The following MTERF4 variants were observed in gnomAD, a reference collection of about 807,000 sequenced individuals.
MTERF4 encodes transcription termination factor 4, mitochondrial.
MTERF4 carries 17 observed loss-of-function variants against 22.5 expected under a neutral mutation model. That is an observed-to-expected ratio of 0.75 (90% confidence interval 0.52 to 1.13). The LOEUF is 1.13. MTERF4 is among the 50% of genes most tolerant of loss of function. The pLI, the probability that MTERF4 is intolerant of heterozygous loss-of-function variation, is 0.00. For synonymous variants in MTERF4, 165 were observed against 175.3 expected (o/e 0.94, Z 0.47); for missense variants, 420 against 466.8 (o/e 0.90, Z 0.92).
the MTERF4 span, among the ~76,000 whole-genome samples, chr2:241,047,389 C>A: frequency 6.6e-6 from 1 of 151,976 alleles, no homozygotes; most frequent in Non-Finnish European, 1.5e-5. Flanking sequence ...GAAATAGGTC[C>A]ATAATTATTG....
At chr2:241,064,182 G>A in the MTERF4 span, 1 of 1,233,722 alleles carries the variant, frequency 8.1e-7, no homozygotes, top group Non-Finnish European at 1.1e-6. This position sits in a 1 kb window ranked among gnomAD's most constrained non-coding sequence, Gnocchi z 7.0. Flanking sequence ...CCCGCCCTCT[G>A]CCCGCCTGCT....
chr2:241,052,635 C>CG, the MTERF4 span, among the ~76,000 whole-genome samples: 1 of 88,460 alleles, frequency 1.1e-5, no homozygotes, highest in Non-Finnish European at 2.2e-5. Context: ...GTGAGAGGGC[C>CG]GGGGGGCCAA....
intron 1 of MTERF4, 58 bp downstream of exon 1, chr2:241,102,195 G>A: frequency 3.2e-6 from 5 of 1,547,158 alleles, no homozygotes; most frequent in Non-Finnish European, 4.4e-6. Flanking sequence ...CGGTTCCTCT[G>A]CGTCGCTGCC....
At chr2:241,081,764 C>T (rs755846432) in intron 4 of MTERF4, 2 of 1,601,268 alleles carry the variant, frequency 1.2e-6, no homozygotes, top group Admixed American at 1.7e-5. Flanking sequence ...GACTGCGGGC[C>T]AGGGTTCAAA....
chr2:241,048,397 G>A, the MTERF4 span: 1 of 1,611,928 alleles, frequency 6.2e-7, no homozygotes, highest in Non-Finnish European at 8.5e-7. Context: ...AGGGCTACGT[G>A]TGCGAGTGCC....
At chr2:241,068,061 C>G (rs1302377493), downstream of MTERF4, 1 of 994,208 alleles carries the variant, frequency 1.0e-6, no homozygotes, top group Non-Finnish European at 1.5e-6. This position sits in a 1 kb window ranked among gnomAD's most constrained non-coding sequence, Gnocchi z 5.3. Context: ...CCACCTGCCG[C>G]TCCTCACCTG....
chr2:241,089,369 A>G, downstream of MTERF4: 2 of 1,547,770 alleles, frequency 1.3e-6, no homozygotes, highest in Non-Finnish European at 8.7e-7. Flanking sequence ...TACGTGCCTA[A>G]AAAAATAAAG....
In MTERF4 at chr2:241,095,980, C is replaced by G. The variant is rs368461655; in HGVS notation, c.*18G>C. On this transcript the variant is annotated 3_prime_UTR_variant, in exon 4 of 4. Transcript: ENST00000391980. ...CTTGATATCTCTGGGCCCTTTCGCT[C>G]TAGTCCTTCCATCACAGCTATTCCT... The G allele has an allele frequency of 1.7e-5, 28 of 1,611,478 alleles. No homozygotes were observed. In the African/African-American group the frequency reaches 3.5e-4, roughly 20 times the overall value.
At chr2:241,066,452 A>G in the MTERF4 span, among the ~76,000 whole-genome samples, 2 of 152,164 alleles carry the variant, frequency 1.3e-5, no homozygotes, top group South Asian at 2.1e-4. Context: ...AGCACAGGGG[A>G]TCTCGGAACA....
chr2:241,042,893 G>GT, the MTERF4 span, among the ~76,000 whole-genome samples: 3 of 152,176 alleles, frequency 2.0e-5, no homozygotes, highest in African/African-American at 7.2e-5. Flanking sequence ...TAGGATCCAC[G>GT]TATCTGGAGT....
In MTERF4 at chr2:241,099,418, C is replaced by G. The variant is rs759144502; in HGVS notation, c.498G>C (p.Leu166=). The change falls in exon 2 of 4, where the codon CTG becomes CTC. Residue 166 remains leucine, a synonymous_variant. Coordinates refer to ENST00000391980, the MANE Select transcript of MTERF4 (RefSeq NM_182501.4). ...TACCTTCTCCAAGCCCAAGCTTTTG[C>G]AGGTAACTGGAGCGCTTCCTCATTT... ...IMQMRKRSSY[L]QKLGLGEGKL... The G allele has an allele frequency of 1.2e-6, 2 of 1,613,310 alleles. No homozygotes were observed. Among genetic ancestry groups the G allele is most frequent in the Non-Finnish European group, 1.7e-6 (2 of 1,179,508 alleles).
chr2:241,093,979 C>A (rs78834190), downstream of MTERF4: 34,557 of 199,880 alleles, frequency 0.17, 3,241 homozygotes, highest in Middle Eastern at 0.24. Context: ...ATCATCTAAC[C>A]AAGTGCAGAC....
the MTERF4 span, chr2:241,051,412 G>A: frequency 3.5e-5 from 9 of 260,022 alleles, no homozygotes; most frequent in East Asian, 1.4e-4. The surrounding 1 kb of genome is among the most constrained non-coding windows in gnomAD (Gnocchi z 4.7). Flanking sequence ...GGGAATGCCC[G>A]TGTGCAGGAG....
At chr2:241,068,078 G>A, downstream of MTERF4, 1 of 869,012 alleles carries the variant, frequency 1.2e-6, no homozygotes, top group Non-Finnish European at 1.7e-6. This position sits in a 1 kb window ranked among gnomAD's most constrained non-coding sequence, Gnocchi z 5.3. Context: ...CCTGAGCGGA[G>A]ACAAAGGTCT....
At chr2:241,070,832 G>A (rs546243233), downstream of MTERF4, among the ~76,000 whole-genome samples, 29 of 152,350 alleles carry the variant, frequency 1.9e-4, no homozygotes, top group Middle Eastern at 3.4e-3. Context: ...AGAAAGAGAC[G>A]GAGACAAGCA....
the MTERF4 span, among the ~76,000 whole-genome samples, chr2:241,065,137 T>A: frequency 6.6e-6 from 1 of 152,124 alleles, no homozygotes; most frequent in East Asian, 1.9e-4. Flanking sequence ...TTCAAAAGTG[T>A]GACCCTCCTG....
chr2:241,062,583 C>G, the MTERF4 span, among the ~76,000 whole-genome samples: 1 of 152,198 alleles, frequency 6.6e-6, no homozygotes, highest in Non-Finnish European at 1.5e-5. Context: ...CAAGCCCGCC[C>G]TGCTGCTTCA....
chr2:241,066,431 G>C, the MTERF4 span, among the ~76,000 whole-genome samples: 2 of 152,204 alleles, frequency 1.3e-5, no homozygotes, highest in Non-Finnish European at 2.9e-5. Flanking sequence ...GAGCCCGGCC[G>C]CATCAGCTAG....
At chr2:241,077,641 T>TGAC (rs1191499015) in intron 4 of MTERF4, among the ~76,000 whole-genome samples, 2 of 152,072 alleles carry the variant, frequency 1.3e-5, no homozygotes, top group Non-Finnish European at 2.9e-5. Flanking sequence ...TAAAGAGCTC[T>TGAC]GACAACTAAA....
Sources: allele counts gnomAD v4.1 joint callset (sites outside exome capture counted in the v4.1 genomes callset), GRCh38; gene constraint gnomAD v4.1.1; non-coding constraint Gnocchi (gnomAD v3.1); transcripts MANE v1.5; gene names NCBI Gene and HGNC (gene_info 2026-07-23, HGNC 2026-07-21).